Variants in FOXP2 observed in about 807,000 individuals in gnomAD.
The protein encoded by FOXP2 is forkhead box protein P2.
In FOXP2, 12 loss-of-function variants were observed where a neutral mutation model predicts 115.8. The observed-to-expected ratio is 0.10, with a 90% CI of 0.07 to 0.17. The LOEUF is 0.17. Among genes scored for constraint, FOXP2 ranks in the 10% least tolerant of loss-of-function variants. The pLI, the probability that FOXP2 is intolerant of heterozygous loss-of-function variation, is 1.00. For synonymous variants in FOXP2, 328 were observed against 297.7 expected, an observed-to-expected ratio of 1.10 and a Z score of -1.05; for missense variants, 629 against 843.5, an observed-to-expected ratio of 0.75 and a Z score of 3.15.
intron 1 of FOXP2, among the ~76,000 whole-genome samples, chr7:114,246,372 T>C (rs1288248579): frequency 6.6e-6 from 1 of 152,120 alleles, no homozygotes; most frequent in African/African-American, 2.4e-5. Context: ...ACTTTTCTAA[T>C]GAGACCCCCA....
intron 2 of FOXP2, among the ~76,000 whole-genome samples, chr7:114,350,311 A>G (rs1035158196): frequency 2.6e-5 from 4 of 152,048 alleles, no homozygotes; most frequent in Non-Finnish European, 5.9e-5. Flanking sequence ...CGGTCCCCCA[A>G]CAGGCTCCGG....
intron 1 of FOXP2, among the ~76,000 whole-genome samples, chr7:114,167,369 A>G (rs1362387167): frequency 6.6e-6 from 1 of 152,182 alleles, no homozygotes; most frequent in Admixed American, 6.5e-5. Flanking sequence ...CCACAGGCAT[A>G]TGCTATTTTG....
intron 1 of FOXP2, among the ~76,000 whole-genome samples, chr7:114,122,900 C>A (rs192899374): frequency 9.2e-4 from 140 of 152,044 alleles, no homozygotes; most frequent in African/African-American, 3.1e-3. Context: ...GCATAATTAA[C>A]AACATTGTGT....
chr7:114,328,989 C>G (rs1797629289), intron 2 of FOXP2, among the ~76,000 whole-genome samples: 1 of 152,060 alleles, frequency 6.6e-6, no homozygotes, highest in Admixed American at 6.5e-5. Flanking sequence ...TTTTTGTGTA[C>G]ACCTTGAGAT....
At chr7:114,170,590 T>C (rs148012546) in intron 1 of FOXP2, among the ~76,000 whole-genome samples, 2 of 152,222 alleles carry the variant, frequency 1.3e-5, no homozygotes, top group African/African-American at 4.8e-5. Flanking sequence ...AGTGAACATA[T>C]GAGTGATAAG....
chr7:114,637,315 A>T (rs1340173155), intron 6 of FOXP2, among the ~76,000 whole-genome samples: 1 of 152,244 alleles, frequency 6.6e-6, no homozygotes, highest in African/African-American at 2.4e-5. Flanking sequence ...ATCAACCAAA[A>T]GTAGAATAGG....
chr7:114,566,185 T>C (rs57234801), intron 3 of FOXP2, among the ~76,000 whole-genome samples: 14,165 of 152,208 alleles, frequency 0.093, 711 homozygotes, highest in Middle Eastern at 0.16. Flanking sequence ...TTTGTTTTTG[T>C]TATTGTTTTA....
intron 4 of FOXP2, chr7:114,628,884 G>C (rs1455132163): frequency 1.7e-6 from 1 of 583,332 alleles, no homozygotes; most frequent in Non-Finnish European, 3.0e-6. Context: ...TTAAAGTCTA[G>C]AATAAGAGCA....
At chr7:114,532,414 C>G (rs549531134) in intron 2 of FOXP2, among the ~76,000 whole-genome samples, 2 of 151,960 alleles carry the variant, frequency 1.3e-5, no homozygotes, top group East Asian at 3.9e-4. Flanking sequence ...TTCTCCTTTA[C>G]TAGAGTCTTA....
chr7:114,520,571 T>A (rs569295777), intron 2 of FOXP2, among the ~76,000 whole-genome samples: 39 of 152,226 alleles, frequency 2.6e-4, no homozygotes, highest in Middle Eastern at 3.4e-3. Context: ...AAATAAATAT[T>A]AGTTAAATGA....
chr7:114,238,014 A>G (rs531562550), intron 1 of FOXP2, among the ~76,000 whole-genome samples: 18 of 152,298 alleles, frequency 1.2e-4, no homozygotes, highest in African/African-American at 4.3e-4. Context: ...ACACACAAAC[A>G]AAAAATCAAT....
intron 2 of FOXP2, among the ~76,000 whole-genome samples, chr7:114,357,572 T>C (rs1791646033): frequency 6.6e-6 from 1 of 152,128 alleles, no homozygotes; most frequent in South Asian, 2.1e-4. Context: ...GACCACACGG[T>C]TCTTTGGCCA....
chr7:114,682,291 C>A (rs1295083101), intron 16 of FOXP2, among the ~76,000 whole-genome samples: 1 of 151,968 alleles, frequency 6.6e-6, no homozygotes, highest in Admixed American at 6.6e-5. Flanking sequence ...AAATGAGGTG[C>A]CTAAACTATT....
intron 1 of FOXP2, among the ~76,000 whole-genome samples, chr7:114,133,307 T>G (rs1453700936): frequency 6.6e-6 from 1 of 152,176 alleles, no homozygotes; most frequent in African/African-American, 2.4e-5. Flanking sequence ...GAAATTCAAT[T>G]TTGTACATGT....
intron 1 of FOXP2, among the ~76,000 whole-genome samples, chr7:114,111,122 A>C (rs753844188): frequency 6.6e-6 from 1 of 152,176 alleles, no homozygotes; most frequent in Admixed American, 6.6e-5. Flanking sequence ...TAATGCCTGC[A>C]ATCAATCACA....
intron 1 of FOXP2, among the ~76,000 whole-genome samples, chr7:114,157,880 G>GA (rs1395012171): frequency 6.6e-6 from 1 of 152,044 alleles, no homozygotes; most frequent in Non-Finnish European, 1.5e-5. Context: ...AGTAAAGAGG[G>GA]AAAAACTATC....
In FOXP2 at chr7:114,587,883, C is replaced by CCAATATAATAAGG. The variant is rs1563017892; in HGVS notation, c.259-40655_259-40654insATATAATAAGGCA. On this transcript the variant is annotated intron_variant, in intron 3 of 16. Coordinates refer to ENST00000350908, the MANE Select transcript of FOXP2 (RefSeq NM_014491.4). ...TTGGGTGAATAAGAGATAATTAAAT[C>CCAATATAATAAGG]CACCTTTCTTAGTGCCTTATTAATG... Among the ~76,000 whole-genome samples, 19 of 58,962 alleles carry CCAATATAATAAGG rather than the reference C, an allele frequency of 3.2e-4. 2 individuals are homozygous for CCAATATAATAAGG. The East Asian group carries it at 3.5e-3, about 11-fold the overall frequency. The allele number at this position is 58,962 out of a possible 152,430, so 38.7% of individuals were successfully genotyped here.
At chr7:114,676,374 A>C (rs1434623200) in intron 16 of FOXP2, among the ~76,000 whole-genome samples, 1 of 152,202 alleles carries the variant, frequency 6.6e-6, no homozygotes, top group African/African-American at 2.4e-5. Context: ...TGCATAGTTC[A>C]AGGCCTACAC....
intron 1 of FOXP2, among the ~76,000 whole-genome samples, chr7:114,241,152 A>G (rs918923917): frequency 2.0e-5 from 3 of 152,022 alleles, no homozygotes; most frequent in Admixed American, 6.5e-5. Context: ...CACACCAAGC[A>G]CTTATTGAGT....
Sources: allele counts gnomAD v4.1 joint callset (sites outside exome capture counted in the v4.1 genomes callset), GRCh38; gene constraint gnomAD v4.1.1; transcripts MANE v1.5; gene names NCBI Gene and HGNC (gene_info 2026-07-23, HGNC 2026-07-21).